The following PRKG1 variants were observed in gnomAD, a reference collection of about 807,000 sequenced individuals.
PRKG1 encodes cGMP-dependent protein kinase 1.
A neutral mutation model predicts 88.1 loss-of-function variants in PRKG1; 35 were observed. The ratio of observed to expected loss-of-function variants is 0.40; its 90% CI spans 0.30 to 0.53. PRKG1 has a LOEUF of 0.53. Ranked by LOEUF, PRKG1 falls within the 20% of genes least tolerant of loss-of-function variation. PRKG1 has a pLI of 0.59. For missense variants in PRKG1, 540 were observed against 839.8 expected (o/e 0.64, Z 4.41); for synonymous variants, 303 against 292.5 (o/e 1.04, Z -0.37).
chr10:51,422,915 A>C (rs1188527397), intron 2 of PRKG1, among the ~76,000 whole-genome samples: 1 of 151,888 alleles, frequency 6.6e-6, no homozygotes, highest in Non-Finnish European at 1.5e-5. Context: ...TTGAAGAGTG[A>C]AGATGTTTTT....
chr10:51,457,479 G>A (rs539731401), intron 2 of PRKG1, among the ~76,000 whole-genome samples: 7 of 152,242 alleles, frequency 4.6e-5, no homozygotes, highest in South Asian at 2.1e-4. Context: ...TGCAGTGTAC[G>A]CTGCTCAGGT....
intron 3 of PRKG1, among the ~76,000 whole-genome samples, chr10:51,744,261 C>T (rs1165824043): frequency 6.6e-6 from 1 of 152,140 alleles, no homozygotes; most frequent in African/African-American, 2.4e-5. Flanking sequence ...GAGACCAGAG[C>T]ACTGAATGTT....
chr10:51,260,517 G>T (rs1348415161), intron 2 of PRKG1, among the ~76,000 whole-genome samples: 1 of 152,096 alleles, frequency 6.6e-6, no homozygotes, highest in Admixed American at 6.5e-5. Context: ...TTGCATAAAT[G>T]GTGTATTTCT....
rs555973028 is a variant in PRKG1, at chr10:52,296,466, A to T, written c.*2566A>T. 6.6e-6 allele frequency: 1 copy of T among 152,186 alleles called. No individual in the cohort carries two copies. The highest frequency in any genetic ancestry group is 1.5e-5 in the Non-Finnish European group (1 of 67,942). The allele number at this position is 152,186 out of a possible 1,614,324, so 9.4% of individuals were successfully genotyped here. On this transcript the variant is annotated 3_prime_UTR_variant, in exon 18 of 18. Transcript: ENST00000373980. ...AAAACATTCGTCTAATTTTGTCAAC[A>T]TTGAATTTTTAGGATTTAAATCTTG...
intron 2 of PRKG1, among the ~76,000 whole-genome samples, chr10:51,219,800 G>C (rs1174958586): frequency 6.6e-6 from 1 of 152,134 alleles, no homozygotes. Flanking sequence ...ATTGGCAGGA[G>C]AAGTTAATGA....
intron 5 of PRKG1, among the ~76,000 whole-genome samples, chr10:52,045,140 A>G (rs1845832589): frequency 6.6e-6 from 1 of 152,014 alleles, no homozygotes; most frequent in Non-Finnish European, 1.5e-5. Context: ...GTAAGAATCA[A>G]TCCCAGCACC....
intron 7 of PRKG1, among the ~76,000 whole-genome samples, chr10:52,132,021 A>C (rs1837280330): frequency 6.6e-6 from 1 of 151,874 alleles, no homozygotes; most frequent in African/African-American, 2.4e-5. Flanking sequence ...CCAGTGAGAA[A>C]CAAATGAAAA....
rs192360018 is a variant in PRKG1 at position 51,653,524 on chromosome 10, T to C, written c.593-151061T>C. 2.6e-5 allele frequency among the ~76,000 whole-genome samples: 4 copies of C among 152,178 alleles called. No individual in the cohort carries two copies. The East Asian group carries it at 7.7e-4, about 29-fold the overall frequency. On this transcript the variant is annotated intron_variant, in intron 3 of 17. Transcript: ENST00000373980. ...ATATGTCTTCTTCTTTTGAGAAATA[T>C]CTGTTCAAGTCCTTTGCTTATTTTC...
intron 7 of PRKG1, among the ~76,000 whole-genome samples, chr10:52,127,063 G>A (rs1564480546): frequency 6.6e-6 from 1 of 152,212 alleles, no homozygotes; most frequent in East Asian, 1.9e-4. Flanking sequence ...CCAGATCAGT[G>A]GTGCAGGGCA....
chr10:51,462,645 C>T (rs1171666144), intron 2 of PRKG1, among the ~76,000 whole-genome samples: 1 of 152,088 alleles, frequency 6.6e-6, no homozygotes, highest in East Asian at 1.9e-4. Context: ...CATGTGTTAC[C>T]TGAAGTAAAA....
At position 51,608,147 on chromosome 10, in the gene PRKG1, C is replaced by T. The variant is rs192717908; in HGVS notation, c.592+140311C>T. Among the ~76,000 whole-genome samples the T allele has an allele frequency of 1.2e-3, 182 of 152,208 alleles. 1 individual carries two copies. Among genetic ancestry groups the T allele is most frequent in the African/African-American group, 4.1e-3 (170 of 41,546 alleles). On this transcript the variant is annotated intron_variant, in intron 3 of 17. Transcript: ENST00000373980. ...TTGGCTCAAATACAGTCATGTGCTG[C>T]GTAACAAAGTTTCTGTCAACAACAG...
At chr10:51,370,503 T>G (rs1430299750) in intron 2 of PRKG1, among the ~76,000 whole-genome samples, 1 of 107,972 alleles carries the variant, frequency 9.3e-6, no homozygotes, top group Non-Finnish European at 2.1e-5. Context: ...AGAGTGTGTG[T>G]GTGTGTGTAT....
intron 4 of PRKG1, among the ~76,000 whole-genome samples, chr10:51,897,099 A>G (rs918745837): frequency 6.6e-6 from 1 of 152,218 alleles, no homozygotes; most frequent in Non-Finnish European, 1.5e-5. Flanking sequence ...AGACTGAACC[A>G]GGATAAATGC....
At chr10:51,407,555 C>G (rs1837956027) in intron 2 of PRKG1, among the ~76,000 whole-genome samples, 1 of 152,220 alleles carries the variant, frequency 6.6e-6, no homozygotes, top group South Asian at 2.1e-4. Flanking sequence ...ATTTCTGCAA[C>G]TCATCACGTG....
chr10:51,852,312 G>A (rs1389221585), intron 4 of PRKG1, among the ~76,000 whole-genome samples: 1 of 150,568 alleles, frequency 6.6e-6, no homozygotes, highest in Non-Finnish European at 1.5e-5. Flanking sequence ...AACAGGTTGT[G>A]TGTGTGTGTA....
intron 5 of PRKG1, among the ~76,000 whole-genome samples, chr10:51,990,158 G>A (rs1203902354): frequency 2.0e-5 from 3 of 151,812 alleles, no homozygotes; most frequent in African/African-American, 7.3e-5. Context: ...TTTATTTCTG[G>A]GCTTTCTGTA....
At chr10:51,662,112 G>A (rs1449288959) in intron 3 of PRKG1, among the ~76,000 whole-genome samples, 3 of 152,118 alleles carry the variant, frequency 2.0e-5, no homozygotes, top group African/African-American at 7.2e-5. Context: ...AGCATTAGGA[G>A]AGATACCTAA....
intron 5 of PRKG1, among the ~76,000 whole-genome samples, chr10:51,933,510 A>G (rs527485632): frequency 6.6e-6 from 1 of 152,212 alleles, no homozygotes; most frequent in South Asian, 2.1e-4. Context: ...GTAACTATCA[A>G]TTCAACTACA....
chr10:51,588,471 T>A (rs1226840047), intron 3 of PRKG1, among the ~76,000 whole-genome samples: 1 of 152,200 alleles, frequency 6.6e-6, no homozygotes, highest in Non-Finnish European at 1.5e-5. Context: ...TAGATTTTGA[T>A]CAACAAACTA....
Sources: allele counts gnomAD v4.1 joint callset (sites outside exome capture counted in the v4.1 genomes callset), GRCh38; gene constraint gnomAD v4.1.1; transcripts MANE v1.5; gene names NCBI Gene and HGNC (gene_info 2026-07-23, HGNC 2026-07-21).